Variants in KCNJ12 observed in about 807,000 individuals in gnomAD.
KCNJ12 encodes ATP-sensitive inward rectifier potassium channel 12.
In KCNJ12, 2 loss-of-function variants were observed where a neutral mutation model predicts 22.3. That is an observed-to-expected ratio of 0.09 (90% CI 0.04 to 0.28). The LOEUF (loss-of-function observed/expected upper bound fraction) is 0.28, where lower values mean the gene tolerates loss of function less well. KCNJ12 is among the 10% of genes least tolerant of loss of function. The pLI is 1.00. For synonymous variants in KCNJ12, 117 were observed against 261.4 expected (o/e 0.45, Z 5.33); for missense variants, 155 against 633.3 (o/e 0.24, Z 8.11).
intron 1 of KCNJ12, among the ~76,000 whole-genome samples, chr17:21,393,762 A>G (rs1233217659): frequency 1.3e-5 from 2 of 152,096 alleles, no homozygotes; most frequent in African/African-American, 2.4e-5. Context: ...ATTCAATCCC[A>G]TGTGTTTGAC....
intron 1 of KCNJ12, among the ~76,000 whole-genome samples, chr17:21,381,701 T>C (rs1213886720): frequency 6.6e-6 from 1 of 152,214 alleles, no homozygotes. Flanking sequence ...TTCCCCCATG[T>C]TCCTTTTCCT....
intron 2 of KCNJ12, among the ~76,000 whole-genome samples, chr17:21,409,687 GC>G (rs1295493966): frequency 3.3e-5 from 5 of 152,284 alleles, no homozygotes; most frequent in Non-Finnish European, 7.3e-5. Context: ...CGTGCCCATG[GC>G]TAGAGAGAGC....
At position 21,416,673 on chromosome 17, in the gene KCNJ12, C is replaced by G. The variant is rs782693112; in HGVS notation, c.*29C>G. The G allele has an allele frequency of 6.4e-7, 1 of 1,557,808 alleles. No homozygotes were observed. The highest frequency in any genetic ancestry group is 8.7e-7 in the Non-Finnish European group (1 of 1,153,476). On this transcript the variant is annotated 3_prime_UTR_variant, in exon 3 of 3. Coordinates refer to ENST00000583088, the MANE Select transcript of KCNJ12 (RefSeq NM_021012.5). ...AACCTTGGCCGACATGCAGCATCCA[C>G]CCCCGGCTGGGGAGAGGCCCCGCGG...
intron 1 of KCNJ12, among the ~76,000 whole-genome samples, chr17:21,385,725 C>T (rs55865652): frequency 0.43 from 65,489 of 152,120 alleles, 17,029 homozygotes; most frequent in Non-Finnish European, 0.57. Context: ...GGGTCCTGGC[C>T]TCCATCCCAC....
At chr17:21,391,384 C>T (rs1375313513) in intron 1 of KCNJ12, among the ~76,000 whole-genome samples, 1 of 152,226 alleles carries the variant, frequency 6.6e-6, no homozygotes, top group Non-Finnish European at 1.5e-5. Flanking sequence ...CTCCAGGGCA[C>T]CCTTCCTGTA....
rs1907000802 is a variant in KCNJ12, at chr17:21,419,038, C to G, written c.*2394C>G. ...GGCGGCAGATGCTTGATTCTCCTGC[C>G]CTCTTTCTTCCTTCCCTCGTATTTA... On this transcript the variant is annotated 3_prime_UTR_variant, in exon 3 of 3. Coordinates refer to ENST00000583088, the MANE Select transcript of KCNJ12 (RefSeq NM_021012.5). The G allele has an allele frequency of 6.0e-6, 1 of 167,038 alleles. No homozygotes were observed. Among genetic ancestry groups the G allele is most frequent in the Non-Finnish European group, 1.5e-5 (1 of 68,130 alleles). The allele number at this position is 167,038 out of a possible 1,614,324, so 10.3% of individuals were successfully genotyped here.
rs570101403 is a variant in KCNJ12 at position 21,417,194 on chromosome 17, C to T, written c.*550C>T. On this transcript the variant is annotated 3_prime_UTR_variant, in exon 3 of 3. Transcript: ENST00000583088. ...GGATGCAGCAGCTGGCTGAAGGCTC[C>T]AGAGGGTTCCCCGAGGTGGGACTGG... 5.9e-6 allele frequency: 1 copy of T among 168,734 alleles called. No individual in the cohort carries two copies. The highest frequency in any genetic ancestry group is 1.4e-5 in the Non-Finnish European group (1 of 69,344). 10.5% of individuals were successfully genotyped at this position (168,734 alleles called of 1,614,324 possible). A position where few individuals can be genotyped will look rare whatever the true frequency, so the allele number is the denominator to read the frequency against.
Position 21,377,788 on chromosome 17 carries a change from T to G in KCNJ12, c.-179+875T>G, listed in dbSNP as rs1314953669. 1.3e-5 allele frequency among the ~76,000 whole-genome samples: 2 copies of G among 152,132 alleles called. 1 individual carries two copies. The highest frequency in any genetic ancestry group is 1.3e-4 in the Admixed American group (2 of 15,286). On this transcript the variant is annotated intron_variant, in intron 1 of 2. Transcript: ENST00000583088. ...CCTGTGATCAGAATGGGGGTCAAAG[T>G]GTTTCTTTGGGGACGGTCTTGTTCT...
At chr17:21,391,190 C>T (rs1255663991) in intron 1 of KCNJ12, among the ~76,000 whole-genome samples, 2 of 152,252 alleles carry the variant, frequency 1.3e-5, no homozygotes, top group Non-Finnish European at 2.9e-5. Context: ...ACACACTCTG[C>T]CTGCCCGTTT....
chr17:21,396,929 G>C (rs1905386862), intron 1 of KCNJ12, among the ~76,000 whole-genome samples: 1 of 152,162 alleles, frequency 6.6e-6, no homozygotes, highest in South Asian at 2.1e-4. Context: ...GTTCAAGGGG[G>C]TCTCCCAGGG....
intron 1 of KCNJ12, among the ~76,000 whole-genome samples, chr17:21,399,496 A>G (rs1002090897): frequency 6.6e-6 from 1 of 152,178 alleles, no homozygotes. Context: ...GAGAAAGACC[A>G]TAGCTCCAGG....
chr17:21,398,858 C>T (rs1233497588), intron 1 of KCNJ12, among the ~76,000 whole-genome samples: 2 of 152,254 alleles, frequency 1.3e-5, no homozygotes, highest in Non-Finnish European at 2.9e-5. Flanking sequence ...GTGTGCATAG[C>T]ACATAGCACT....
chr17:21,392,423 G>A (rs373063173), intron 1 of KCNJ12, among the ~76,000 whole-genome samples: 2 of 152,222 alleles, frequency 1.3e-5, no homozygotes, highest in Admixed American at 6.5e-5. Flanking sequence ...ACAAGGACAC[G>A]CCCCCCAACA....
intron 1 of KCNJ12, among the ~76,000 whole-genome samples, chr17:21,383,635 A>T (rs932162723): frequency 1.3e-5 from 2 of 152,174 alleles, no homozygotes. Flanking sequence ...GGGATCCCCA[A>T]TCACAAGCCA....
At chr17:21,385,541 C>T (rs1317908709) in intron 1 of KCNJ12, among the ~76,000 whole-genome samples, 3 of 152,204 alleles carry the variant, frequency 2.0e-5, no homozygotes, top group Admixed American at 1.3e-4. Context: ...GGTCCCTCCC[C>T]AGGCCCTGGG....
chr17:21,386,624 C>T (rs1905078878), intron 1 of KCNJ12, among the ~76,000 whole-genome samples: 1 of 152,168 alleles, frequency 6.6e-6, no homozygotes, highest in Non-Finnish European at 1.5e-5. Flanking sequence ...TCTCCTGCCT[C>T]AGTCTCCTGA....
intron 1 of KCNJ12, among the ~76,000 whole-genome samples, chr17:21,386,033 G>A (rs561376850): frequency 3.4e-4 from 52 of 152,350 alleles, no homozygotes; most frequent in African/African-American, 1.2e-3. Context: ...AAAGAAAGCC[G>A]AGGCAGGGAT....
chr17:21,399,869 A>G (rs1288642184), intron 1 of KCNJ12, among the ~76,000 whole-genome samples: 1 of 152,200 alleles, frequency 6.6e-6, no homozygotes, highest in Non-Finnish European at 1.5e-5. Context: ...GCCTCTATCA[A>G]AAGAAACTGG....
intron 1 of KCNJ12, among the ~76,000 whole-genome samples, chr17:21,383,864 G>C (rs1555558334): frequency 3.9e-5 from 6 of 152,152 alleles, no homozygotes. Context: ...GGATGAAATA[G>C]ACAAAAAACA....
Sources: allele counts gnomAD v4.1 joint callset (sites outside exome capture counted in the v4.1 genomes callset), GRCh38; gene constraint gnomAD v4.1.1; transcripts MANE v1.5; gene names NCBI Gene and HGNC (gene_info 2026-07-23, HGNC 2026-07-21).